RB1: variants seen among roughly 807,000 people sequenced by gnomAD.
RB1 encodes the protein retinoblastoma-associated protein.
RB1 carries 18 observed loss-of-function variants against 135.4 expected under a neutral mutation model. The observed-to-expected ratio is 0.13, with a 90% CI of 0.09 to 0.20. The LOEUF (loss-of-function observed/expected upper bound fraction) is 0.20, where lower values mean the gene tolerates loss of function less well. Among genes scored for constraint, RB1 ranks in the 10% least tolerant of loss-of-function variants. The pLI is 1.00. For missense variants in RB1, 868 were observed against 1,110.0 expected (o/e 0.78, Z 3.10); for synonymous variants, 365 against 373.2 (o/e 0.98, Z 0.25).
At chr13:48,367,855 G>C (rs1952719304) in intron 10 of RB1, among the ~76,000 whole-genome samples, 1 of 152,096 alleles carries the variant, frequency 6.6e-6, no homozygotes, top group Non-Finnish European at 1.5e-5. Flanking sequence ...TTTTTAAAAT[G>C]TGCACCAAAA....
intron 2 of RB1, among the ~76,000 whole-genome samples, chr13:48,328,804 T>C (rs1308062785): frequency 2.0e-5 from 3 of 152,212 alleles, no homozygotes; most frequent in African/African-American, 2.4e-5. Context: ...GTGGAGATTA[T>C]TATAGGCTCC....
chr13:48,375,772 T>A (rs923594045), intron 12 of RB1, among the ~76,000 whole-genome samples: 4 of 142,970 alleles, frequency 2.8e-5, no homozygotes, highest in African/African-American at 9.0e-5. Flanking sequence ...GGAGATGGTG[T>A]TTCACAATGT....
chr13:48,398,007 A>C (rs1365836543), intron 17 of RB1, among the ~76,000 whole-genome samples: 1 of 152,212 alleles, frequency 6.6e-6, no homozygotes, highest in African/African-American at 2.4e-5. Flanking sequence ...CAACTCAGGA[A>C]GGCAAGTGAA....
At chr13:48,305,294 T>TA (rs1293095288) in intron 1 of RB1, among the ~76,000 whole-genome samples, 1 of 152,204 alleles carries the variant, frequency 6.6e-6, no homozygotes, top group Non-Finnish European at 1.5e-5. Flanking sequence ...GGAAGGCTAT[T>TA]AAAAATTTAT....
At chr13:48,320,094 T>C (rs1952221566) in intron 2 of RB1, 1 of 651,806 alleles carries the variant, frequency 1.5e-6, no homozygotes, top group Non-Finnish European at 2.6e-6. Flanking sequence ...GCTTCCGCAA[T>C]GTCCCGGTCC....
rs182331233 is a variant in RB1 at position 48,397,195 on chromosome 13, A to G, written c.1695+15752A>G. Reference sequence around the variant, plus strand: ...ATTCTACTAAAAAGAACATGCACACATATGTTTATTGCAGCACTATTCACA... The same window carrying G: ...ATTCTACTAAAAAGAACATGCACACGTATGTTTATTGCAGCACTATTCACA... On this transcript the variant is annotated intron_variant, in intron 17 of 26. Coordinates refer to ENST00000267163, the MANE Select transcript of RB1 (RefSeq NM_000321.3). Among the ~76,000 whole-genome samples the G allele has an allele frequency of 8.5e-5, 13 of 152,324 alleles. 1 individual carries two copies. The East Asian group carries it at 2.3e-3, about 27-fold the overall frequency.
At chr13:48,368,730 G>A (rs1952729101) in intron 11 of RB1, 126 bp downstream of exon 11, 6 of 1,365,266 alleles carry the variant, frequency 4.4e-6, no homozygotes, top group South Asian at 4.1e-5. Flanking sequence ...TGAAGGCCAG[G>A]TGTGGTGGAT....
chr13:48,343,506 G>T (rs1952465485), intron 3 of RB1, among the ~76,000 whole-genome samples: 1 of 152,032 alleles, frequency 6.6e-6, no homozygotes, highest in Admixed American at 6.6e-5. Flanking sequence ...TTGTATATTT[G>T]TAAATATACA....
chr13:48,428,538 A>G (rs1207316771), intron 17 of RB1, among the ~76,000 whole-genome samples: 1 of 152,238 alleles, frequency 6.6e-6, no homozygotes, highest in Non-Finnish European at 1.5e-5. Flanking sequence ...AAAATAGGAA[A>G]CTTGGTCCAT....
chr13:48,374,933 T>C (rs1370241915), intron 12 of RB1, among the ~76,000 whole-genome samples: 1 of 152,184 alleles, frequency 6.6e-6, no homozygotes, highest in Non-Finnish European at 1.5e-5. Context: ...ACCTGATATT[T>C]AGCTCCCACT....
intron 17 of RB1, among the ~76,000 whole-genome samples, chr13:48,418,378 G>A (rs1948950199): frequency 6.6e-6 from 1 of 152,034 alleles, no homozygotes; most frequent in Non-Finnish European, 1.5e-5. Context: ...GCTCCTGAAG[G>A]AAGCACTAAA....
At chr13:48,340,323 A>G (rs1194217886) in intron 2 of RB1, among the ~76,000 whole-genome samples, 2 of 152,224 alleles carry the variant, frequency 1.3e-5, no homozygotes, top group Admixed American at 1.3e-4. Context: ...TCCTTGAAAT[A>G]TACTTCTTAT....
intron 10 of RB1, 147 bp from the exon 11 acceptor site, chr13:48,368,380 G>T (rs1593448891): frequency 1.0e-6 from 1 of 958,364 alleles, no homozygotes; most frequent in Non-Finnish European, 1.5e-6. Context: ...GCAGCAGCTG[G>T]GTCATCTATT....
intron 2 of RB1, among the ~76,000 whole-genome samples, chr13:48,325,909 C>T (rs538858031): frequency 1.3e-5 from 2 of 152,166 alleles, no homozygotes; most frequent in South Asian, 4.1e-4. Flanking sequence ...TTTAAATTTG[C>T]TCATAGAATG....
chr13:48,348,902 T>C, intron 5 of RB1, 54 bp from the exon 6 acceptor site: 1 of 1,573,572 alleles, frequency 6.4e-7, no homozygotes, highest in Non-Finnish European at 8.6e-7. Context: ...TGGAAAACTT[T>C]CTTTCAGTGA....
At chr13:48,402,879 C>T (rs1484608912) in intron 17 of RB1, among the ~76,000 whole-genome samples, 1 of 152,000 alleles carries the variant, frequency 6.6e-6, no homozygotes, top group Non-Finnish European at 1.5e-5. Context: ...ACCTATATGA[C>T]ATATAAATCA....
chr13:48,432,602 G>T (rs1311875137), intron 17 of RB1, among the ~76,000 whole-genome samples: 1 of 151,696 alleles, frequency 6.6e-6, no homozygotes, highest in Non-Finnish European at 1.5e-5. Context: ...TAATGCTTTG[G>T]TTAGCATCCT....
At chr13:48,328,497 T>C in intron 2 of RB1, 1 of 804,538 alleles carries the variant, frequency 1.2e-6, no homozygotes, top group Non-Finnish European at 2.3e-6. Context: ...TCCTCTCCAT[T>C]ACTCCAGCAG....
chr13:48,395,786 G>A (rs1948643317), intron 17 of RB1, among the ~76,000 whole-genome samples: 1 of 152,036 alleles, frequency 6.6e-6, no homozygotes, highest in Non-Finnish European at 1.5e-5. Flanking sequence ...AGGGAGAGTG[G>A]AACCAAGTTA....
Sources: allele counts gnomAD v4.1 joint callset (sites outside exome capture counted in the v4.1 genomes callset), GRCh38; gene constraint gnomAD v4.1.1; transcripts MANE v1.5; gene names NCBI Gene and HGNC (gene_info 2026-07-23, HGNC 2026-07-21).